The following ZFR2 variants were observed in gnomAD, a reference collection of about 807,000 sequenced individuals.
The protein encoded by ZFR2 is zinc finger RNA binding protein 2, also known as zinc finger RNA-binding protein 2.
Under a neutral mutation model 105.7 loss-of-function variants are expected in ZFR2, and 104 were observed. The observed-to-expected ratio is 0.98, with a 90% CI of 0.84 to 1.16. The LOEUF (loss-of-function observed/expected upper bound fraction) is 1.16, where lower values mean the gene tolerates loss of function less well. Among genes scored for constraint, ZFR2 ranks in the 50% most tolerant of loss-of-function variants. ZFR2 has a pLI of 0.00. For missense variants in ZFR2, 1,425 were observed against 1,355.5 expected (o/e 1.05, Z -0.80); for synonymous variants, 634 against 597.7 (o/e 1.06, Z -0.89).
chr19:3,851,190 G>C (rs867919008), intron 1 of ZFR2, among the ~76,000 whole-genome samples: 2 of 152,130 alleles, frequency 1.3e-5, no homozygotes, highest in South Asian at 2.1e-4. Context: ...TTAAGGACAC[G>C]AGACACACAG....
intron 1 of ZFR2, chr19:3,852,291 T>G (rs1599251701): frequency 3.4e-6 from 2 of 594,330 alleles, no homozygotes; most frequent in South Asian, 2.0e-5. Flanking sequence ...CTGGCTGAGG[T>G]GGGGTTCAGC....
intron 13 of ZFR2, among the ~76,000 whole-genome samples, chr19:3,815,355 G>A (rs992654019): frequency 1.3e-5 from 2 of 152,226 alleles, no homozygotes; most frequent in African/African-American, 2.4e-5. Flanking sequence ...CTCCCAAAGT[G>A]TTGGGATTAC....
At chr19:3,827,346 G>C in intron 6 of ZFR2, 125 bp downstream of exon 6, 1 of 1,213,332 alleles carries the variant, frequency 8.2e-7, no homozygotes. Context: ...CCCTTGGGGC[G>C]CGCTCCACTT....
chr19:3,813,910 T>C lies in ZFR2; in HGVS notation c.2152A>G (p.Ile718Val). 2 of 1,613,930 alleles carry C rather than the reference T, an allele frequency of 1.2e-6. No homozygotes were observed. Among genetic ancestry groups the C allele is most frequent in the Non-Finnish European group, 1.7e-6 (2 of 1,179,866 alleles). ...GGCTCCTCACAGGAGGAGATGACAA[T>C]GTTGGCTTCAGGGTCGGAGGAGACC... ...YEVSSDPEAN[I>V]VISSCEEPRM... Residue 718 changes from isoleucine to valine, a missense_variant, in exon 14 of 19, where the codon ATT (isoleucine) becomes GTT (valine). By Grantham distance (29) the Ile-to-Val change is conservative. Transcript: ENST00000262961. This position sits in a 1 kb window ranked among gnomAD's most constrained non-coding sequence, Gnocchi z 4.4.
intron 11 of ZFR2, 141 bp downstream of exon 11, chr19:3,820,041 T>C: frequency 1.3e-6 from 1 of 774,388 alleles, no homozygotes; most frequent in Non-Finnish European, 2.1e-6. Flanking sequence ...ATCTGTGGAG[T>C]GAGGAGGCCT....
intron 5 of ZFR2, among the ~76,000 whole-genome samples, chr19:3,829,147 A>T (rs2037983540): frequency 6.6e-6 from 1 of 152,012 alleles, no homozygotes; most frequent in Non-Finnish European, 1.5e-5. Context: ...TTTTTAGTAG[A>T]GACGGGGTTT....
Position 3,832,568 on chromosome 19 carries a change from C to A in ZFR2, c.380-690G>T, listed in dbSNP as rs541527707. Among the ~76,000 whole-genome samples, 20 of 152,126 alleles carry A rather than the reference C, an allele frequency of 1.3e-4. No individual in the cohort carries two copies. In the South Asian group the frequency reaches 3.9e-3, roughly 30 times the overall value. Reference sequence around the variant, plus strand: ...ATCGCTTGACCTTGTGATCCACCCGCCTCTGCCTCGCAAAGTGCTGGGATT... The same window carrying A: ...ATCGCTTGACCTTGTGATCCACCCGACTCTGCCTCGCAAAGTGCTGGGATT... On this transcript the variant is annotated intron_variant, in intron 3 of 18. Transcript: ENST00000262961.
chr19:3,828,597 C>T (rs945093353), intron 5 of ZFR2, among the ~76,000 whole-genome samples: 2 of 152,190 alleles, frequency 1.3e-5, no homozygotes, highest in Non-Finnish European at 2.9e-5. Context: ...CACCGTGAGT[C>T]ACAGGCCTAC....
At chr19:3,818,110 T>C (rs1209852316) in intron 12 of ZFR2, among the ~76,000 whole-genome samples, 1 of 152,274 alleles carries the variant, frequency 6.6e-6, no homozygotes, top group Admixed American at 6.5e-5. Flanking sequence ...ACGTGCTTCA[T>C]GCCCCTGAAC....
At chr19:3,829,328 T>A (rs1009231631) in intron 5 of ZFR2, among the ~76,000 whole-genome samples, 1 of 151,862 alleles carries the variant, frequency 6.6e-6, no homozygotes, top group African/African-American at 2.4e-5. Flanking sequence ...CGCATCCCTG[T>A]GCACACATAC....
chr19:3,842,710 GC>G (rs984445502), intron 1 of ZFR2, among the ~76,000 whole-genome samples: 36 of 150,354 alleles, frequency 2.4e-4, no homozygotes, highest in African/African-American at 6.6e-4. Context: ...TGCAACCTCT[GC>G]CCCCAGGGTC....
chr19:3,830,294 A>T (rs1274389766), intron 5 of ZFR2, among the ~76,000 whole-genome samples: 6 of 152,094 alleles, frequency 3.9e-5, no homozygotes, highest in African/African-American at 1.4e-4. Flanking sequence ...TTAAAAAATT[A>T]GCTGGGCATG....
In ZFR2 at chr19:3,858,895, C is replaced by G. The variant is rs192865626; in HGVS notation, c.53+10070G>C. On this transcript the variant is annotated intron_variant, in intron 1 of 18. Transcript: ENST00000262961. The surrounding 1 kb of genome is among the most constrained non-coding windows in gnomAD (Gnocchi z 4.3). ...AGCTCATCACCTATTTCTCTATCACCCCCATGGCAGATGGAGATGAAGGCT... is the reference window on the plus strand; with the variant it reads ...AGCTCATCACCTATTTCTCTATCACGCCCATGGCAGATGGAGATGAAGGCT... Among the ~76,000 whole-genome samples the G allele has an allele frequency of 1.6e-3, 248 of 152,306 alleles. 2 individuals are homozygous for G. Among genetic ancestry groups the G allele is most frequent in the African/African-American group, 5.8e-3 (243 of 41,562 alleles).
chr19:3,853,235 G>A (rs933098973), intron 1 of ZFR2, among the ~76,000 whole-genome samples: 6 of 152,180 alleles, frequency 3.9e-5, no homozygotes, highest in South Asian at 2.1e-4. Flanking sequence ...TCTCAGATGC[G>A]ACAGGGAGAG....
chr19:3,820,235 C>T lies in ZFR2; in HGVS notation c.1687G>A (p.Ala563Thr). The T allele has an allele frequency of 3.9e-6, 6 of 1,550,330 alleles. No homozygotes were observed. The highest frequency in any genetic ancestry group is 5.2e-6 in the Non-Finnish European group (6 of 1,147,130). ...DVPPHAPPDWAQPLLMGRPES... is the reference protein window; with the variant it reads ...DVPPHAPPDWTQPLLMGRPES... Reference sequence around the variant, plus strand: ...GGCCTGCCCATGAGCAGAGGCTGGGCCCAGTCGGGCGGCGCGTGGGGCGGC... The same window carrying T: ...GGCCTGCCCATGAGCAGAGGCTGGGTCCAGTCGGGCGGCGCGTGGGGCGGC... Residue 563 changes from alanine to threonine, a missense_variant, in exon 11 of 19, where the codon GCC (alanine) becomes ACC (threonine). Coordinates refer to ENST00000262961, the MANE Select transcript of ZFR2 (RefSeq NM_015174.2).
intron 17 of ZFR2, among the ~76,000 whole-genome samples, chr19:3,808,337 C>T (rs185780849): frequency 6.6e-6 from 1 of 152,388 alleles, no homozygotes; most frequent in Admixed American, 6.5e-5. Flanking sequence ...TCCCTTTTCA[C>T]TTGCTATCAT....
Position 3,858,721 on chromosome 19 carries a change from G to A in ZFR2, c.53+10244C>T, listed in dbSNP as rs1482706753. ...AAATCCCAGCTACTTGGGAGGCTGA[G>A]GCAGGAGAATCACTTGAACCTGGGA... On this transcript the variant is annotated intron_variant, in intron 1 of 18. Coordinates refer to ENST00000262961, the MANE Select transcript of ZFR2 (RefSeq NM_015174.2). The surrounding 1 kb of genome is among the most constrained non-coding windows in gnomAD (Gnocchi z 4.3). Among the ~76,000 whole-genome samples, 1 of 152,240 alleles carries A rather than the reference G, an allele frequency of 6.6e-6. No homozygotes were observed. The highest frequency in any genetic ancestry group is 2.4e-5 in the African/African-American group (1 of 41,462).
Position 3,868,983 on chromosome 19 carries a change from C to A in ZFR2, c.35G>T (p.Gly12Val). 7.3e-7 allele frequency: 1 copy of A among 1,372,636 alleles called. No homozygotes were observed. The highest frequency in any genetic ancestry group is 9.5e-7 in the Non-Finnish European group (1 of 1,053,094). 85.0% of individuals were successfully genotyped at this position (1,372,636 alleles called of 1,614,324 possible). A position where few individuals can be genotyped will look rare whatever the true frequency, so the allele number is the denominator to read the frequency against. Residue 12 changes from glycine to valine, a missense_variant, in exon 1 of 19, where the codon GGC becomes GTC. Physicochemically the swap from Gly to Val is moderately radical, Grantham distance 109. Transcript: ENST00000262961. The part of the protein sequence containing the change: ...ATSQYFDFAQ[G>V]GGPQYSAQPP... ...CAGTTACCTGTACTGCGGGCCGCCG[C>A]CCTGCGCGAAGTCGAAATACTGACT...
intron 1 of ZFR2, among the ~76,000 whole-genome samples, chr19:3,841,342 A>T (rs2038130865): frequency 6.6e-6 from 1 of 152,164 alleles, no homozygotes; most frequent in Non-Finnish European, 1.5e-5. Context: ...GTGGTCTCAG[A>T]TGCACCCATG....
Sources: gnomAD v4.1 joint callset for allele counts (sites outside exome capture counted in the v4.1 genomes callset) on GRCh38, gnomAD v4.1.1 for gene constraint, Gnocchi (gnomAD v3.1) non-coding constraint, MANE v1.5 for transcripts, NCBI Gene and HGNC (gene_info 2026-07-23, HGNC 2026-07-21) for gene names.